ZNF860: variants seen among roughly 807,000 people sequenced by gnomAD.
The protein encoded by ZNF860 is zinc finger protein 860.
For missense variants in ZNF860, 641 were observed against 759.2 expected, an observed-to-expected ratio of 0.84 and a Z score of 1.83; for synonymous variants, 206 against 248.9, an observed-to-expected ratio of 0.83 and a Z score of 1.62.
In ZNF860 at chr3:31,989,012, A is replaced by C. The variant is rs528676121; in HGVS notation, c.-68A>C. The C allele has an allele frequency of 1.9e-6, 3 of 1,583,092 alleles. No homozygotes were observed. In the Admixed American group the frequency reaches 5.4e-5, roughly 28 times the overall value. ...ATTTGTTTCTCGGAAACAGATAACT[A>C]ATACAGAGCAGGAAGCAGATCGCCT... On this transcript the variant is annotated 5_prime_UTR_variant, in exon 2 of 2. Coordinates refer to ENST00000360311, the MANE Select transcript of ZNF860 (RefSeq NM_001137674.3).
rs922453810 is a variant in ZNF860 at position 31,988,751 on chromosome 3, G to C, written c.-329G>C. On this transcript the variant is annotated 5_prime_UTR_variant, in exon 2 of 2. Transcript: ENST00000360311. ...GAGGCATGAAGGTGTGCCAGCCACT[G>C]TGTCAGTCACCTTATAAGCAGATTT... is the stretch of plus-strand genomic sequence containing the variant. 1 of 331,186 alleles carries C rather than the reference G, an allele frequency of 3.0e-6. No homozygotes were observed. The highest frequency in any genetic ancestry group is 5.6e-6 in the Non-Finnish European group (1 of 179,294). The allele number at this position is 331,186 out of a possible 1,614,324, so 20.5% of individuals were successfully genotyped here.
Position 31,991,094 on chromosome 3 carries a change from T to G in ZNF860, c.*116T>G. ...CATTAGAGTCAATTCAGCATTGACT[T>G]GAGTTTCAGTTGACTTGACATTGAG... On this transcript the variant is annotated 3_prime_UTR_variant, in exon 2 of 2. Coordinates refer to ENST00000360311, the MANE Select transcript of ZNF860 (RefSeq NM_001137674.3). 3 of 1,006,476 alleles carry G rather than the reference T, an allele frequency of 3.0e-6. No individual in the cohort carries two copies. Among genetic ancestry groups the G allele is most frequent in the Non-Finnish European group, 1.5e-6 (1 of 682,194 alleles). 62.3% of individuals were successfully genotyped at this position (1,006,476 alleles called of 1,614,324 possible).
At chr3:31,999,478 A>G in the ZNF860 span, among the ~76,000 whole-genome samples, 1 of 149,506 alleles carries the variant, frequency 6.7e-6, no homozygotes, top group African/African-American at 2.5e-5. Context: ...CTTCTGCCTC[A>G]GCCTCCTGAG....
downstream of ZNF860, among the ~76,000 whole-genome samples, chr3:31,996,016 A>G (rs1699087394): frequency 6.6e-6 from 1 of 152,162 alleles, no homozygotes. Flanking sequence ...AATGAAACTC[A>G]AAAAAAGGAG....
At position 31,990,414 on chromosome 3, in the gene ZNF860, G is replaced by A. The variant is rs948471262; in HGVS notation, c.1335G>A (p.Trp445Ter). The A allele has an allele frequency of 6.2e-7, 1 of 1,613,338 alleles. No individual in the cohort carries two copies. Among genetic ancestry groups the A allele is most frequent in the African/African-American group, 1.3e-5 (1 of 74,526 alleles). Residue 445 changes from tryptophan to a stop codon, truncating the protein, a stop_gained, in exon 2 of 2, where the codon TGG (tryptophan) becomes TGA (stop). Coordinates refer to ENST00000360311, the MANE Select transcript of ZNF860 (RefSeq NM_001137674.3). LOFTEE classifies it low-confidence loss of function (END_TRUNC). Reference sequence around the variant, plus strand: ...GTCGTTCATATCTCGTAGTTCATTGGCGAACTCATACTGGAGAGAAACCTT... The same window carrying A: ...GTCGTTCATATCTCGTAGTTCATTGACGAACTCATACTGGAGAGAAACCTT... Reference protein sequence around the residue: ...FRRRSYLVVHWRTHTGEKPYK... With the variant: ...FRRRSYLVVH
chr3:31,994,897 C>G (rs1699073288), downstream of ZNF860, among the ~76,000 whole-genome samples: 1 of 151,992 alleles, frequency 6.6e-6, no homozygotes, highest in Admixed American at 6.6e-5. Flanking sequence ...AGAAAGAGTA[C>G]AAAGAGAGGA....
At chr3:31,994,044 C>G (rs1575081409), downstream of ZNF860, among the ~76,000 whole-genome samples, 1 of 152,220 alleles carries the variant, frequency 6.6e-6, no homozygotes, top group Non-Finnish European at 1.5e-5. Flanking sequence ...GAGTACTCAG[C>G]AATAAATGAG....
downstream of ZNF860, among the ~76,000 whole-genome samples, chr3:31,991,915 T>C (rs562757342): frequency 2.9e-3 from 445 of 151,522 alleles, 2 homozygotes; most frequent in African/African-American, 0.01. Flanking sequence ...TCCCAGCACT[T>C]TGGGTGGATC....
In ZNF860 at chr3:31,988,985, T is replaced by C; in HGVS notation, c.-95T>C. ...TTGCCTTAAGCCACGAAGTTTGTGA[T>C]AATTTGTTTCTCGGAAACAGATAAC... On this transcript the variant is annotated 5_prime_UTR_variant, in exon 2 of 2. Transcript: ENST00000360311. 1 of 1,518,492 alleles carries C rather than the reference T, an allele frequency of 6.6e-7. No individual in the cohort carries two copies. The highest frequency in any genetic ancestry group is 8.9e-7 in the Non-Finnish European group (1 of 1,117,642). 94.1% of individuals were successfully genotyped at this position (1,518,492 alleles called of 1,614,324 possible).
At chr3:31,982,172 G>A (rs1365777820) in intron 1 of ZNF860, among the ~76,000 whole-genome samples, 4 of 152,096 alleles carry the variant, frequency 2.6e-5, no homozygotes, top group Non-Finnish European at 1.5e-5. Flanking sequence ...CAGAGGCAAG[G>A]GAAATTAACA....
the ZNF860 span, among the ~76,000 whole-genome samples, chr3:31,999,760 T>G: frequency 6.6e-6 from 1 of 152,170 alleles, no homozygotes; most frequent in Non-Finnish European, 1.5e-5. Flanking sequence ...GGGATCACCT[T>G]TTCCAAGGCA....
chr3:31,982,124 A>G (rs1211447926), intron 1 of ZNF860, among the ~76,000 whole-genome samples: 1 of 152,290 alleles, frequency 6.6e-6, no homozygotes, highest in South Asian at 2.1e-4. Flanking sequence ...CTGCACGTGC[A>G]CCTAGGAGCA....
the ZNF860 span, among the ~76,000 whole-genome samples, chr3:32,000,784 C>T: frequency 1.2e-4 from 18 of 152,310 alleles, no homozygotes; most frequent in African/African-American, 4.1e-4. Context: ...CACTCTCCCC[C>T]TTCTTCCTGG....
Position 31,990,075 on chromosome 3 carries a change from T to A in ZNF860, c.996T>A (p.His332Gln). 1 of 1,613,978 alleles carries A rather than the reference T, an allele frequency of 6.2e-7. No homozygotes were observed. The highest frequency in any genetic ancestry group is 8.5e-7 in the Non-Finnish European group (1 of 1,179,902). Residue 332 changes from histidine (H) to glutamine (Q), a missense_variant, in exon 2 of 2, where the codon CAT becomes CAA. Coordinates refer to ENST00000360311, the MANE Select transcript of ZNF860 (RefSeq NM_001137674.3). ...GTCGCAAATCAAATCTTGAAAGACA[T>A]AGGAGAATTCATACTGGAGAGAAAC... ...VFSRKSNLER[H>Q]RRIHTGEKPY...
the ZNF860 span, among the ~76,000 whole-genome samples, chr3:32,006,237 C>T: frequency 6.6e-6 from 1 of 152,178 alleles, no homozygotes; most frequent in African/African-American, 2.4e-5. Context: ...TGAGCCACCG[C>T]ACCCCTCCAT....
the ZNF860 span, among the ~76,000 whole-genome samples, chr3:31,997,766 C>T: frequency 2.0e-5 from 3 of 151,850 alleles, no homozygotes; most frequent in African/African-American, 7.3e-5. Flanking sequence ...CTCGCTGAGC[C>T]TCAGTGTTTT....
Position 31,989,576 on chromosome 3 carries a change from T to C in ZNF860, c.497T>C (p.Leu166Pro), listed in dbSNP as rs535280784. The C allele has an allele frequency of 1.9e-6, 3 of 1,614,172 alleles. No homozygotes were observed. In the South Asian group the frequency reaches 3.3e-5, roughly 18 times the overall value. ...GLSFHSHLPE[L>P]HIFQTKGKVG... ...AGCTTTCATTCGCATCTTCCTGAAC[T>C]CCACATATTTCAGACCAAAGGGAAA... is the stretch of plus-strand genomic sequence containing the variant. Residue 166 changes from leucine (L) to proline (P), a missense_variant, in exon 2 of 2, where the codon CTC becomes CCC. By Grantham distance (98) the Leu-to-Pro change is moderately conservative. Coordinates refer to ENST00000360311, the MANE Select transcript of ZNF860 (RefSeq NM_001137674.3).
At position 31,988,977 on chromosome 3, in the gene ZNF860, G is replaced by A. The variant is rs755048949; in HGVS notation, c.-103G>A. ...AGTGTTTGTTGCCTTAAGCCACGAAGTTTGTGATAATTTGTTTCTCGGAAA... is the reference window on the plus strand; with the variant it reads ...AGTGTTTGTTGCCTTAAGCCACGAAATTTGTGATAATTTGTTTCTCGGAAA... On this transcript the variant is annotated 5_prime_UTR_variant, in exon 2 of 2. Coordinates refer to ENST00000360311, the MANE Select transcript of ZNF860 (RefSeq NM_001137674.3). 63 of 1,493,806 alleles carry A rather than the reference G, an allele frequency of 4.2e-5. No homozygotes were observed. The highest frequency in any genetic ancestry group is 5.6e-5 in the Non-Finnish European group (61 of 1,098,974). 92.5% of individuals were successfully genotyped at this position (1,493,806 alleles called of 1,614,324 possible).
chr3:31,986,101 T>C (rs577204359), intron 1 of ZNF860: 8 of 152,358 alleles, frequency 5.3e-5, no homozygotes, highest in Admixed American at 4.6e-4. Flanking sequence ...TGGAATTCCA[T>C]TTCCTGTTAT....
Sources: allele counts gnomAD v4.1 joint callset (sites outside exome capture counted in the v4.1 genomes callset), GRCh38; gene constraint gnomAD v4.1.1; transcripts MANE v1.5; gene names NCBI Gene and HGNC (gene_info 2026-07-23, HGNC 2026-07-21).